The following GJD3 variants were observed in gnomAD, a reference collection of about 807,000 sequenced individuals.
GJD3 encodes the protein gap junction delta-3 protein.
For missense variants in GJD3, 421 were observed against 448.5 expected (o/e 0.94, Z 0.55); for synonymous variants, 217 against 226.7 (o/e 0.96, Z 0.38).
rs1458182848 is a variant in GJD3, at chr17:40,362,621, G to A, written c.*310C>T. On this transcript the variant is annotated 3_prime_UTR_variant, in exon 1 of 1. Coordinates refer to ENST00000578689, the MANE Select transcript of GJD3 (RefSeq NM_152219.4). ...ACAACCACTCTCCACCTTCCGCTCT[G>A]TTCTCCCCCTCGGGTCCACTCTCTC... Among the ~76,000 whole-genome samples, 1 of 152,222 alleles carries A rather than the reference G, an allele frequency of 6.6e-6. No homozygotes were observed. The highest frequency in any genetic ancestry group is 2.4e-5 in the African/African-American group (1 of 41,458).
Position 40,363,308 on chromosome 17 carries a change from C to A in GJD3, c.508G>T (p.Gly170Cys). ...FRVAPHFACA[G>C]PPCPHTVDCF... ...TCGACCGTGTGCGGGCAGGGCGGAC[C>A]GGCGCACGCGAAGTGCGGGGCCACG... The change falls in exon 1 of 1, where the codon GGT becomes TGT. Residue 170 changes from glycine (G) to cysteine (C), a missense_variant. Coordinates refer to ENST00000578689, the MANE Select transcript of GJD3 (RefSeq NM_152219.4). This position sits in a 1 kb window ranked among gnomAD's most constrained non-coding sequence, Gnocchi z 5.5. The A allele has an allele frequency of 1.4e-6, 2 of 1,401,678 alleles. No individual in the cohort carries two copies. Among genetic ancestry groups the A allele is most frequent in the South Asian group, 1.4e-5 (1 of 69,442 alleles). The allele number at this position is 1,401,678 out of a possible 1,614,324, so 86.8% of individuals were successfully genotyped here.
In GJD3 at chr17:40,363,136, C is replaced by A. The variant is rs1254374714; in HGVS notation, c.680G>T (p.Cys227Phe). The change falls in exon 1 of 1, where the codon TGC becomes TTC. Residue 227 changes from cysteine (C) to phenylalanine (F), a missense_variant. Coordinates refer to ENST00000578689, the MANE Select transcript of GJD3 (RefSeq NM_152219.4). The surrounding 1 kb of genome is among the most constrained non-coding windows in gnomAD (Gnocchi z 5.5). The stretch of plus-strand genomic sequence containing the variant: ...CTGCGCCTCTTCGTGTGCACGGTTG[C>A]AGCGGTTGTCACGCTCCCCGGCGCG... ...RPRAGERDNR[C>F]NRAHEEAQKL... 4.3e-6 allele frequency: 6 copies of A among 1,401,428 alleles called. No individual in the cohort carries two copies. Among genetic ancestry groups the A allele is most frequent in the Non-Finnish European group, 5.6e-6 (6 of 1,073,806 alleles). 86.8% of individuals were successfully genotyped at this position (1,401,428 alleles called of 1,614,324 possible).
At position 40,361,898 on chromosome 17, in the gene GJD3, G is replaced by A. The variant is rs1484125180; in HGVS notation, c.*1033C>T. ...CCGCCCACCCCCACCCCACCTCCATGAAAGCGCCCAGCCCCCGCCTCGCCA... is the reference window on the plus strand; with the variant it reads ...CCGCCCACCCCCACCCCACCTCCATAAAAGCGCCCAGCCCCCGCCTCGCCA... On this transcript the variant is annotated 3_prime_UTR_variant, in exon 1 of 1. Transcript: ENST00000578689. Among the ~76,000 whole-genome samples, 2 of 56,778 alleles carry A rather than the reference G, an allele frequency of 3.5e-5. No individual in the cohort carries two copies. Among genetic ancestry groups the A allele is most frequent in the Non-Finnish European group, 7.5e-5 (2 of 26,566 alleles). The allele number at this position is 56,778 out of a possible 152,430, so 37.2% of individuals were successfully genotyped here.
chr17:40,363,440 C>T lies in GJD3; in HGVS notation c.376G>A (p.Ala126Thr), dbSNP rs933501099. The change falls in exon 1 of 1, where the codon GCC (alanine) becomes ACC (threonine). Residue 126 changes from alanine (A) to threonine (T), a missense_variant. Physicochemically the swap from Ala to Thr is moderately conservative, Grantham distance 58. Transcript: ENST00000578689. This position sits in a 1 kb window ranked among gnomAD's most constrained non-coding sequence, Gnocchi z 5.5. ...CGGCGCGCGCGGCGGGCGCGCAGGG[C>T]GCACGGCGCGCACTGGGCCTCGGGC... ...GLPEAQCAPC[A>T]LRARRARRCY... 9.0e-6 allele frequency: 12 copies of T among 1,329,228 alleles called. No individual in the cohort carries two copies. In the African/African-American group the frequency reaches 1.9e-4, roughly 21 times the overall value. The allele number at this position is 1,329,228 out of a possible 1,614,324, so 82.3% of individuals were successfully genotyped here. A position where few individuals can be genotyped will look rare whatever the true frequency, so the allele number is the denominator to read the frequency against.
chr17:40,361,753 G>A lies in GJD3; in HGVS notation c.*1178C>T, dbSNP rs1231761108. Among the ~76,000 whole-genome samples, 2 of 152,158 alleles carry A rather than the reference G, an allele frequency of 1.3e-5. No homozygotes were observed. Among genetic ancestry groups the A allele is most frequent in the African/African-American group, 4.8e-5 (2 of 41,430 alleles). On this transcript the variant is annotated 3_prime_UTR_variant, in exon 1 of 1. Transcript: ENST00000578689. ...AGGGCCGGGAGCGCGTGTGTTTTGGGAGCTTTCTCCTGAGGACAGAAGGGA... is the reference window on the plus strand; with the variant it reads ...AGGGCCGGGAGCGCGTGTGTTTTGGAAGCTTTCTCCTGAGGACAGAAGGGA...
At position 40,362,874 on chromosome 17, in the gene GJD3, G is replaced by A; in HGVS notation, c.*57C>T. On this transcript the variant is annotated 3_prime_UTR_variant, in exon 1 of 1. Coordinates refer to ENST00000578689, the MANE Select transcript of GJD3 (RefSeq NM_152219.4). Reference sequence around the variant, plus strand: ...GCAGCTTCCGGCTTCTGCGGTGCGGGCGGAGGTGGCGGGGTCCGGCCCTCG... The same window carrying A: ...GCAGCTTCCGGCTTCTGCGGTGCGGACGGAGGTGGCGGGGTCCGGCCCTCG... The A allele has an allele frequency of 8.8e-6, 10 of 1,141,056 alleles. No individual in the cohort carries two copies. The highest frequency in any genetic ancestry group is 1.1e-5 in the Non-Finnish European group (10 of 928,236). 70.7% of individuals were successfully genotyped at this position (1,141,056 alleles called of 1,614,324 possible).
Position 40,363,221 on chromosome 17 carries a change from G to A in GJD3, c.595C>T (p.Leu199=). 1 of 1,446,598 alleles carries A rather than the reference G, an allele frequency of 6.9e-7. No individual in the cohort carries two copies. The highest frequency in any genetic ancestry group is 9.1e-7 in the Non-Finnish European group (1 of 1,098,150). The allele number at this position is 1,446,598 out of a possible 1,614,324, so 89.6% of individuals were successfully genotyped here. Residue 199 remains leucine, a synonymous_variant, in exon 1 of 1, where the codon CTG becomes TTG. Transcript: ENST00000578689. The surrounding 1 kb of genome is among the most constrained non-coding windows in gnomAD (Gnocchi z 5.5). Reference sequence around the variant, plus strand: ...GCTACGCTGAGCAGCGCCGACAGCAGCCCCACCGCGAAATAGAAGAGCACG... The same window carrying A: ...GCTACGCTGAGCAGCGCCGACAGCAACCCCACCGCGAAATAGAAGAGCACG... The part of the protein sequence containing the change: ...VFVLFYFAVG[L]LSALLSVAEL...
rs751516028 is a variant in GJD3, at chr17:40,363,634, C to G, written c.182G>C (p.Cys61Ser). The change falls in exon 1 of 1, where the codon TGT becomes TCT. Residue 61 changes from cysteine (C) to serine (S), a missense_variant. By Grantham distance (112) the Cys-to-Ser change is moderately radical. Coordinates refer to ENST00000578689, the MANE Select transcript of GJD3 (RefSeq NM_152219.4). The surrounding 1 kb of genome is among the most constrained non-coding windows in gnomAD (Gnocchi z 5.5). ...GGCGCGGTCGTAGCAGGTCTGGCGA[C>G]AGCCCGGCTGCAGCGTGTTGCACAC... ...EFVCNTLQPG[C>S]RQTCYDRAFP... 2 of 1,605,494 alleles carry G rather than the reference C, an allele frequency of 1.2e-6. No individual in the cohort carries two copies. Among genetic ancestry groups the G allele is most frequent in the Admixed American group, 1.7e-5 (1 of 59,038 alleles).
chr17:40,363,366 G>A lies in GJD3; in HGVS notation c.450C>T (p.Phe150=), dbSNP rs2034770694. ...CGTAGAGCAGCGCCTGGCCGCCCAGGAAGGTCAGCTCGGCCAGCAGGCGCA... is the reference window on the plus strand; with the variant it reads ...CGTAGAGCAGCGCCTGGCCGCCCAGAAAGGTCAGCTCGGCCAGCAGGCGCA... ...VALRLLAELT[F]LGGQALLYGF... is the part of the protein sequence containing the mutation. The change falls in exon 1 of 1, where the codon TTC becomes TTT. Residue 150 remains phenylalanine (F), a synonymous_variant. Transcript: ENST00000578689. This position sits in a 1 kb window ranked among gnomAD's most constrained non-coding sequence, Gnocchi z 5.5. 2 of 1,407,610 alleles carry A rather than the reference G, an allele frequency of 1.4e-6. No individual in the cohort carries two copies. Among genetic ancestry groups the A allele is most frequent in the Non-Finnish European group, 1.9e-6 (2 of 1,079,312 alleles). The allele number at this position is 1,407,610 out of a possible 1,614,324, so 87.2% of individuals were successfully genotyped here. A position where few individuals can be genotyped will look rare whatever the true frequency, so the allele number is the denominator to read the frequency against.
At position 40,361,182 on chromosome 17, in the gene GJD3, C is replaced by CGGGGTAGCAGA; in HGVS notation, c.*1748_*1749insTCTGCTACCCC. 2 of 371,362 alleles carry CGGGGTAGCAGA rather than the reference C, an allele frequency of 5.4e-6. No individual in the cohort carries two copies. Among genetic ancestry groups the CGGGGTAGCAGA allele is most frequent in the Non-Finnish European group, 1.1e-5 (2 of 188,918 alleles). The allele number at this position is 371,362 out of a possible 1,614,324, so 23.0% of individuals were successfully genotyped here. A position where few individuals can be genotyped will look rare whatever the true frequency, so the allele number is the denominator to read the frequency against. ...GGGAGGAGAAGGCTGCAGGAAGCAG[C>CGGGGTAGCAGA]GGCTACTCTGGGCAAAGGAACAGCA... On this transcript the variant is annotated 3_prime_UTR_variant, in exon 1 of 1. Transcript: ENST00000578689.
At position 40,363,036 on chromosome 17, in the gene GJD3, G is replaced by C; in HGVS notation, c.780C>G (p.Cys260Trp). Residue 260 changes from cysteine to tryptophan, a missense_variant, in exon 1 of 1, where the codon TGC (cysteine) becomes TGG (tryptophan). Physicochemically the swap from Cys to Trp is radical, Grantham distance 215 (BLOSUM62 -2). Transcript: ENST00000578689. This position sits in a 1 kb window ranked among gnomAD's most constrained non-coding sequence, Gnocchi z 5.5. ...CCGGGTGCGCATAGGCCGGCGGGGC[G>C]CACGGCTCGGGGCCGGGGCGCCGGG... Reference protein sequence around the residue: ...LPSRRPGPEPCAPPAYAHPAP... With the variant: ...LPSRRPGPEPWAPPAYAHPAP... 8.3e-7 allele frequency: 1 copy of C among 1,211,192 alleles called. No individual in the cohort carries two copies. The highest frequency in any genetic ancestry group is 1.6e-5 in the African/African-American group (1 of 63,254). The allele number at this position is 1,211,192 out of a possible 1,614,324, so 75.0% of individuals were successfully genotyped here.
Position 40,360,885 on chromosome 17 carries a change from G to C in GJD3, c.*2046C>G, listed in dbSNP as rs546146500. On this transcript the variant is annotated 3_prime_UTR_variant, in exon 1 of 1. Transcript: ENST00000578689. ...GACACAGAACTGTCATCAGAGAGAT[G>C]GTGCCCACCATAGCATGGATAGTGT... is the stretch of plus-strand genomic sequence containing the variant. 4.9e-6 allele frequency: 2 copies of C among 405,778 alleles called. No individual in the cohort carries two copies. Among genetic ancestry groups the C allele is most frequent in the African/African-American group, 4.1e-5 (2 of 48,678 alleles). The allele number at this position is 405,778 out of a possible 1,614,324, so 25.1% of individuals were successfully genotyped here.
Position 40,363,454 on chromosome 17 carries a change from T to C in GJD3, c.362A>G (p.Gln121Arg). 1 of 1,383,790 alleles carries C rather than the reference T, an allele frequency of 7.2e-7. No homozygotes were observed. The highest frequency in any genetic ancestry group is 9.3e-7 in the Non-Finnish European group (1 of 1,073,658). 85.7% of individuals were successfully genotyped at this position (1,383,790 alleles called of 1,614,324 possible). Residue 121 changes from glutamine to arginine, a missense_variant, in exon 1 of 1, where the codon CAG (glutamine) becomes CGG (arginine). Gln to Arg is a conservative substitution (Grantham distance 43). Transcript: ENST00000578689. This position sits in a 1 kb window ranked among gnomAD's most constrained non-coding sequence, Gnocchi z 5.5. ...GGCGCGCAGGGCGCACGGCGCGCAC[T>C]GGGCCTCGGGCAGTCCGGGGGCGCA... ...AQCAPGLPEA[Q>R]CAPCALRARR...
rs1208586348 is a variant in GJD3, at chr17:40,363,203, T to C, written c.613A>G (p.Ser205Gly). The change falls in exon 1 of 1, where the codon AGC becomes GGC. Residue 205 changes from serine to glycine, a missense_variant. Physicochemically the swap from Ser to Gly is moderately conservative, Grantham distance 56. Coordinates refer to ENST00000578689, the MANE Select transcript of GJD3 (RefSeq NM_152219.4). This position sits in a 1 kb window ranked among gnomAD's most constrained non-coding sequence, Gnocchi z 5.5. ...AGCAGGTGGCCCAGCTCGGCTACGC[T>C]GAGCAGCGCCGACAGCAGCCCCACC... ...FAVGLLSALLSVAELGHLLWK... is the reference protein window; with the variant it reads ...FAVGLLSALLGVAELGHLLWK... 6.9e-7 allele frequency: 1 copy of C among 1,449,858 alleles called. No homozygotes were observed. Among genetic ancestry groups the C allele is most frequent in the Admixed American group, 2.4e-5 (1 of 41,914 alleles). The allele number at this position is 1,449,858 out of a possible 1,614,324, so 89.8% of individuals were successfully genotyped here. A position where few individuals can be genotyped will look rare whatever the true frequency, so the allele number is the denominator to read the frequency against.
chr17:40,362,843 G>C lies in GJD3; in HGVS notation c.*88C>G, dbSNP rs572361259. 6.5e-6 allele frequency: 7 copies of C among 1,084,984 alleles called. No homozygotes were observed. In the African/African-American group the frequency reaches 1.2e-4, roughly 18 times the overall value. The allele number at this position is 1,084,984 out of a possible 1,614,324, so 67.2% of individuals were successfully genotyped here. ...CGGGGCAGGTCCCGCGACAGCTCTG[G>C]TGGAAGCAGCTTCCGGCTTCTGCGG... On this transcript the variant is annotated 3_prime_UTR_variant, in exon 1 of 1. Coordinates refer to ENST00000578689, the MANE Select transcript of GJD3 (RefSeq NM_152219.4).
At position 40,360,968 on chromosome 17, in the gene GJD3, T is replaced by C. The variant is rs555834407; in HGVS notation, c.*1963A>G. ...CCTTCAGTTTCTCATCCAACACATA[T>C]TTACTGAGCACATACTACGTGCCAT... is the stretch of plus-strand genomic sequence containing the variant. On this transcript the variant is annotated 3_prime_UTR_variant, in exon 1 of 1. Transcript: ENST00000578689. 1.1e-5 allele frequency: 5 copies of C among 456,292 alleles called. No individual in the cohort carries two copies. The East Asian group carries it at 2.1e-4, about 19-fold the overall frequency. 28.3% of individuals were successfully genotyped at this position (456,292 alleles called of 1,614,324 possible).
In GJD3 at chr17:40,363,104, G is replaced by A. The variant is rs772774611; in HGVS notation, c.712C>T (p.Leu238Phe). 1.1e-5 allele frequency: 14 copies of A among 1,291,538 alleles called. No homozygotes were observed. In the South Asian group the frequency reaches 3.3e-4, roughly 30 times the overall value. 80.0% of individuals were successfully genotyped at this position (1,291,538 alleles called of 1,614,324 possible). ...GGAGGTGGCGGCGGCGGCGGCGGGA[G>A]CAGCTTCTGCGCCTCTTCGTGTGCA... Reference protein sequence around the residue: ...NRAHEEAQKLLPPPPPPPPPP... With the variant: ...NRAHEEAQKLFPPPPPPPPPP... Residue 238 changes from leucine to phenylalanine, a missense_variant, in exon 1 of 1, where the codon CTC becomes TTC. By Grantham distance (22) the Leu-to-Phe change is conservative. Transcript: ENST00000578689. The surrounding 1 kb of genome is among the most constrained non-coding windows in gnomAD (Gnocchi z 5.5).
At position 40,363,602 on chromosome 17, in the gene GJD3, C is replaced by T. The variant is rs769493228; in HGVS notation, c.214G>A (p.Val72Ile). Reference protein sequence around the residue: ...RQTCYDRAFPVSHYRFWLFHI... With the variant: ...RQTCYDRAFPISHYRFWLFHI... Reference sequence around the variant, plus strand: ...AAGAGCCAGAAGCGGTAGTGGGAGACCGGGAAGGCGCGGTCGTAGCAGGTC... The same window carrying T: ...AAGAGCCAGAAGCGGTAGTGGGAGATCGGGAAGGCGCGGTCGTAGCAGGTC... Residue 72 changes from valine to isoleucine, a missense_variant, in exon 1 of 1, where the codon GTC becomes ATC. Transcript: ENST00000578689. The surrounding 1 kb of genome is among the most constrained non-coding windows in gnomAD (Gnocchi z 5.5). The T allele has an allele frequency of 3.7e-6, 6 of 1,601,084 alleles. No individual in the cohort carries two copies. The highest frequency in any genetic ancestry group is 1.7e-5 in the Admixed American group (1 of 58,114).
In GJD3 at chr17:40,363,441, G is replaced by T. The variant is rs1050644454; in HGVS notation, c.375C>A (p.Cys125Ter). The part of the protein sequence containing the change: ...PGLPEAQCAP[C>*]ALRARRARRC... Reference sequence around the variant, plus strand: ...GGCGCGCGCGGCGGGCGCGCAGGGCGCACGGCGCGCACTGGGCCTCGGGCA... The same window carrying T: ...GGCGCGCGCGGCGGGCGCGCAGGGCTCACGGCGCGCACTGGGCCTCGGGCA... Residue 125 changes from cysteine (C) to a stop codon, truncating the protein, a stop_gained, in exon 1 of 1, where the codon TGC becomes TGA. Transcript: ENST00000578689. LOFTEE classifies it low-confidence loss of function (END_TRUNC). This position sits in a 1 kb window ranked among gnomAD's most constrained non-coding sequence, Gnocchi z 5.5. 3 of 1,330,294 alleles carry T rather than the reference G, an allele frequency of 2.3e-6. No individual in the cohort carries two copies. The highest frequency in any genetic ancestry group is 3.1e-5 in the African/African-American group (2 of 64,508). The allele number at this position is 1,330,294 out of a possible 1,614,324, so 82.4% of individuals were successfully genotyped here. A position where few individuals can be genotyped will look rare whatever the true frequency, so the allele number is the denominator to read the frequency against.
Sources: gnomAD v4.1 joint callset for allele counts (sites outside exome capture counted in the v4.1 genomes callset) on GRCh38, gnomAD v4.1.1 for gene constraint, Gnocchi (gnomAD v3.1) non-coding constraint, MANE v1.5 for transcripts, NCBI Gene and HGNC (gene_info 2026-07-23, HGNC 2026-07-21) for gene names.